The following NXPE2 variants were observed in gnomAD, a reference collection of about 807,000 sequenced individuals.
The protein encoded by NXPE2 is neurexophilin and PC-esterase domain family member 2.
NXPE2 carries 34 observed loss-of-function variants against 34.4 expected under a neutral mutation model. The observed-to-expected ratio is 0.99, with a 90% confidence interval of 0.75 to 1.31. The LOEUF is 1.31. Ranked by LOEUF, NXPE2 falls within the 40% of genes most tolerant of loss-of-function variation. The pLI is 0.00. For missense variants in NXPE2, 649 were observed against 672.5 expected (o/e 0.97, Z 0.39); for synonymous variants, 235 against 231.3 (o/e 1.02, Z -0.15).
chr11:114,655,564 C>T, the NXPE2 span, among the ~76,000 whole-genome samples: 2 of 152,142 alleles, frequency 1.3e-5, no homozygotes, highest in South Asian at 2.1e-4. Context: ...TTTCCCAGCA[C>T]CATTTACTGA....
At chr11:114,618,394 G>C in the NXPE2 span, among the ~76,000 whole-genome samples, 1 of 151,964 alleles carries the variant, frequency 6.6e-6, no homozygotes. Flanking sequence ...TTACCCAGTG[G>C]ATAATAAGTA....
At chr11:114,643,009 C>A in the NXPE2 span, among the ~76,000 whole-genome samples, 2 of 152,092 alleles carry the variant, frequency 1.3e-5, no homozygotes, top group African/African-American at 4.8e-5. Flanking sequence ...TCTCTAATGA[C>A]CAGTGATGAT....
At chr11:114,508,517 A>T in the NXPE2 span, among the ~76,000 whole-genome samples, 1 of 152,242 alleles carries the variant, frequency 6.6e-6, no homozygotes. Context: ...AGTAACCAAA[A>T]CAGCAAGGTA....
chr11:114,681,444 T>G (rs139025191), intron 2 of NXPE2, among the ~76,000 whole-genome samples: 296 of 152,328 alleles, frequency 1.9e-3, no homozygotes, highest in Non-Finnish European at 3.7e-3. Context: ...CAGTGTTTTA[T>G]TGGACTCATT....
the NXPE2 span, among the ~76,000 whole-genome samples, chr11:114,734,053 A>T: frequency 6.6e-6 from 1 of 152,226 alleles, no homozygotes. Context: ...TTCAACTCTT[A>T]AAAAAGTGTT....
At chr11:114,779,350 G>C in the NXPE2 span, among the ~76,000 whole-genome samples, 64 of 147,028 alleles carry the variant, frequency 4.4e-4, no homozygotes, top group Non-Finnish European at 6.6e-4. Flanking sequence ...CCCTGGCCTG[G>C]GGCGGTGTGG....
At chr11:114,609,826 A>G in the NXPE2 span, among the ~76,000 whole-genome samples, 2 of 151,686 alleles carry the variant, frequency 1.3e-5, no homozygotes, top group Non-Finnish European at 2.9e-5. Context: ...GTGGATTACC[A>G]TGGTAACCCG....
chr11:114,584,867 G>C, the NXPE2 span, among the ~76,000 whole-genome samples: 2 of 152,156 alleles, frequency 1.3e-5, no homozygotes, highest in African/African-American at 4.8e-5. Context: ...GCTGTGCTGG[G>C]TGATCTCTTC....
At chr11:114,545,123 A>C in the NXPE2 span, among the ~76,000 whole-genome samples, 2 of 152,232 alleles carry the variant, frequency 1.3e-5, no homozygotes, top group Admixed American at 6.5e-5. Context: ...TGGGAATCCA[A>C]AATGGCACAG....
the NXPE2 span, chr11:114,552,796 C>A: frequency 1.3e-6 from 1 of 749,190 alleles, no homozygotes; most frequent in Non-Finnish European, 1.6e-6. Flanking sequence ...ATCTTAGATT[C>A]TCAATCTCCT....
At chr11:114,639,698 A>T in the NXPE2 span, among the ~76,000 whole-genome samples, 1 of 137,218 alleles carries the variant, frequency 7.3e-6, no homozygotes, top group African/African-American at 2.7e-5. Context: ...TCTATTCTAT[A>T]ATATATTCTA....
chr11:114,695,454 G>A (rs1484048133), intron 2 of NXPE2, among the ~76,000 whole-genome samples: 1 of 152,120 alleles, frequency 6.6e-6, no homozygotes, highest in Middle Eastern at 3.4e-3. Flanking sequence ...GCTGGGTTTG[G>A]GTATTTTCCT....
the NXPE2 span, among the ~76,000 whole-genome samples, chr11:114,723,608 A>T: frequency 6.6e-6 from 1 of 152,138 alleles, no homozygotes; most frequent in East Asian, 1.9e-4. Flanking sequence ...AGTTACCTTC[A>T]TAAGGAGATA....
At chr11:114,728,012 C>T in the NXPE2 span, among the ~76,000 whole-genome samples, 2 of 152,008 alleles carry the variant, frequency 1.3e-5, no homozygotes, top group Admixed American at 6.6e-5. Flanking sequence ...GGAGACTGTA[C>T]GGGAGAATCT....
At chr11:114,488,664 A>G in the NXPE2 span, among the ~76,000 whole-genome samples, 177 of 152,326 alleles carry the variant, frequency 1.2e-3, 1 homozygote, top group African/African-American at 4.1e-3. Flanking sequence ...AACCAATGAG[A>G]ACAAAGACAC....
chr11:114,781,749 AT>A, the NXPE2 span, among the ~76,000 whole-genome samples: 2 of 152,096 alleles, frequency 1.3e-5, no homozygotes, highest in Non-Finnish European at 2.9e-5. Flanking sequence ...ATGTCAGCCC[AT>A]TTTTTGGAGC....
the NXPE2 span, among the ~76,000 whole-genome samples, chr11:114,601,838 A>G: frequency 1.5e-5 from 1 of 66,276 alleles, no homozygotes; most frequent in Non-Finnish European, 2.5e-5. Context: ...ATAATTATAT[A>G]TATAATATAA....
At chr11:114,571,954 G>A in the NXPE2 span, among the ~76,000 whole-genome samples, 12 of 152,180 alleles carry the variant, frequency 7.9e-5, no homozygotes, top group Admixed American at 7.2e-4. Context: ...CACAAAACCA[G>A]CACACTAAAC....
At chr11:114,530,495 G>C in the NXPE2 span, 1 of 1,613,948 alleles carries the variant, frequency 6.2e-7, no homozygotes, top group Non-Finnish European at 8.5e-7. Context: ...GGCCCTCCCA[G>C]AACAGAGTGA....
Sources: gnomAD v4.1 joint callset for allele counts (sites outside exome capture counted in the v4.1 genomes callset) on GRCh38, gnomAD v4.1.1 for gene constraint, MANE v1.5 for transcripts, NCBI Gene and HGNC (gene_info 2026-07-23, HGNC 2026-07-21) for gene names.